PLPPR1: variants seen among roughly 807,000 people sequenced by gnomAD.
PLPPR1 encodes phospholipid phosphatase-related protein type 1.
Under a neutral mutation model 33.1 loss-of-function variants are expected in PLPPR1, and 10 were observed. That is an observed-to-expected ratio of 0.30 (90% CI 0.19 to 0.51). The LOEUF (loss-of-function observed/expected upper bound fraction) is 0.51, where lower values mean the gene tolerates loss of function less well. PLPPR1 is among the 20% of genes least tolerant of loss of function. PLPPR1 has a pLI of 0.97. For synonymous variants in PLPPR1, 151 were observed against 151.0 expected (o/e 1.00, Z 0.00); for missense variants, 304 against 408.1 (o/e 0.74, Z 2.20).
At chr9:101,172,477 GAGTT>G (rs1005987373) in intron 1 of PLPPR1, among the ~76,000 whole-genome samples, 6 of 152,106 alleles carry the variant, frequency 3.9e-5, no homozygotes, top group African/African-American at 1.2e-4. Context: ...GATATCTGGT[GAGTT>G]AGTTAGGAGG....
chr9:101,233,377 A>C (rs945110617), intron 2 of PLPPR1, among the ~76,000 whole-genome samples: 1 of 152,026 alleles, frequency 6.6e-6, no homozygotes, highest in African/African-American at 2.4e-5. Context: ...TCACAATCTT[A>C]AAATGAAAGT....
chr9:101,161,088 C>T (rs189460751), intron 1 of PLPPR1, among the ~76,000 whole-genome samples: 41 of 152,228 alleles, frequency 2.7e-4, no homozygotes, highest in African/African-American at 9.9e-4. Context: ...ATAAGAGATA[C>T]AAGTGGGAGG....
At chr9:101,285,431 A>T (rs1197454442) in intron 3 of PLPPR1, among the ~76,000 whole-genome samples, 2 of 152,190 alleles carry the variant, frequency 1.3e-5, no homozygotes, top group Non-Finnish European at 2.9e-5. Flanking sequence ...GGAGAAATAT[A>T]TCTGAGGCAA....
chr9:101,134,094 AAACTC>A (rs1411649867), intron 1 of PLPPR1, among the ~76,000 whole-genome samples: 1 of 152,226 alleles, frequency 6.6e-6, no homozygotes, highest in Non-Finnish European at 1.5e-5. Context: ...TAGCCTAACT[AAACTC>A]AAGTTTAGAT....
intron 2 of PLPPR1, among the ~76,000 whole-genome samples, chr9:101,262,726 T>C (rs1372655555): frequency 5.3e-5 from 8 of 152,134 alleles, no homozygotes; most frequent in African/African-American, 9.7e-5. Context: ...GCAGCACTGT[T>C]CACAATAGCA....
At chr9:101,285,645 G>C (rs1276892210) in intron 3 of PLPPR1, among the ~76,000 whole-genome samples, 1 of 152,142 alleles carries the variant, frequency 6.6e-6, no homozygotes, top group African/African-American at 2.4e-5. Context: ...ATAGCATACA[G>C]TATGTCATTT....
intron 4 of PLPPR1, among the ~76,000 whole-genome samples, chr9:101,308,908 A>G (rs1828903325): frequency 6.6e-6 from 1 of 152,244 alleles, no homozygotes; most frequent in African/African-American, 2.4e-5. Context: ...TAAATAACTT[A>G]TACTCTGAAT....
intron 1 of PLPPR1, among the ~76,000 whole-genome samples, chr9:101,065,450 G>A (rs1255245643): frequency 6.6e-6 from 1 of 152,006 alleles, no homozygotes; most frequent in East Asian, 1.9e-4. Flanking sequence ...AGAATAATTG[G>A]TCTTGGTTTC....
chr9:101,218,802 C>T (rs927787416), intron 2 of PLPPR1, among the ~76,000 whole-genome samples: 14 of 152,040 alleles, frequency 9.2e-5, no homozygotes, highest in Admixed American at 7.2e-4. Flanking sequence ...ACCATTAAAA[C>T]ACGGATAATA....
chr9:101,033,682 G>A (rs1389936092), intron 1 of PLPPR1, among the ~76,000 whole-genome samples: 1 of 152,110 alleles, frequency 6.6e-6, no homozygotes, highest in Non-Finnish European at 1.5e-5. Context: ...TCCCAACTGT[G>A]CCAGGACTTG....
At chr9:101,304,763 G>A (rs1828823936) in intron 4 of PLPPR1, among the ~76,000 whole-genome samples, 1 of 152,152 alleles carries the variant, frequency 6.6e-6, no homozygotes. Context: ...TAGTTAGCAG[G>A]CTTCCTACTA....
chr9:101,261,705 A>G lies in PLPPR1; in HGVS notation c.64-8175A>G, dbSNP rs190126992. Among the ~76,000 whole-genome samples the G allele has an allele frequency of 2.4e-4, 36 of 152,304 alleles. No individual in the cohort carries two copies. In the East Asian group the frequency reaches 6.9e-3, roughly 29 times the overall value. The stretch of plus-strand genomic sequence containing the variant: ...GATCATGTCCTTCGCCGGAACATGG[A>G]TAGAGCTGGAGGCCATTATCCTTAG... On this transcript the variant is annotated intron_variant, in intron 2 of 7. Coordinates refer to ENST00000374874, the MANE Select transcript of PLPPR1 (RefSeq NM_207299.2).
intron 7 of PLPPR1, among the ~76,000 whole-genome samples, chr9:101,317,805 A>G (rs1829083898): frequency 6.6e-6 from 1 of 152,240 alleles, no homozygotes; most frequent in Admixed American, 6.5e-5. Context: ...TCATATGGAA[A>G]AAAGCAATTT....
At chr9:101,050,480 T>C (rs1008596094) in intron 1 of PLPPR1, among the ~76,000 whole-genome samples, 4 of 152,180 alleles carry the variant, frequency 2.6e-5, no homozygotes, top group African/African-American at 9.6e-5. Context: ...TATCCAGACA[T>C]CTGTGAGGAA....
intron 1 of PLPPR1, chr9:101,125,541 G>A (rs1831234688): frequency 1.3e-5 from 6 of 450,922 alleles, no homozygotes; most frequent in Middle Eastern, 3.4e-4. Flanking sequence ...AGATTGAAGG[G>A]AATAGGAAGT....
At chr9:101,274,299 G>C (rs1399938913) in intron 3 of PLPPR1, among the ~76,000 whole-genome samples, 1 of 152,168 alleles carries the variant, frequency 6.6e-6, no homozygotes. Flanking sequence ...AAAGAACATA[G>C]AGAAAGTGTG....
intron 1 of PLPPR1, among the ~76,000 whole-genome samples, chr9:101,095,269 T>TC (rs11387710): frequency 0.43 from 65,742 of 151,988 alleles, 14,462 homozygotes; most frequent in Admixed American, 0.47. Context: ...TTCTATTCAT[T>TC]CCCCACTGCT....
intron 2 of PLPPR1, among the ~76,000 whole-genome samples, chr9:101,220,542 C>T (rs535378286): frequency 6.6e-6 from 1 of 152,260 alleles, no homozygotes; most frequent in African/African-American, 2.4e-5. Context: ...GGACTTTATC[C>T]TCTCACACTC....
chr9:101,110,118 A>C (rs927257204), intron 1 of PLPPR1, among the ~76,000 whole-genome samples: 3 of 152,268 alleles, frequency 2.0e-5, no homozygotes, highest in Non-Finnish European at 4.4e-5. Context: ...TATAAATTAC[A>C]AAACAAGTTT....
Sources: gnomAD v4.1 joint callset for allele counts (sites outside exome capture counted in the v4.1 genomes callset) on GRCh38, gnomAD v4.1.1 for gene constraint, MANE v1.5 for transcripts, NCBI Gene and HGNC (gene_info 2026-07-23, HGNC 2026-07-21) for gene names.